The following ADGRG4 variants were observed in gnomAD, a reference collection of about 807,000 sequenced individuals.
The protein encoded by ADGRG4 is adhesion G protein-coupled receptor G4, also known as G protein-coupled receptor 112.
Under a neutral mutation model 126.2 loss-of-function variants are expected in ADGRG4, and 122 were observed. The ratio of observed to expected loss-of-function variants is 0.97; its 90% CI spans 0.83 to 1.12. The LOEUF is 1.12. Ranked by LOEUF, ADGRG4 falls within the 50% of genes most tolerant of loss-of-function variation. The pLI is 0.00. For synonymous variants in ADGRG4, 943 were observed against 838.7 expected (o/e 1.12, Z -2.15); for missense variants, 2,481 against 2,251.8 (o/e 1.10, Z -2.06).
At position 136,349,772 on chromosome X, in the gene ADGRG4, T is replaced by A. The variant is rs147911766; in HGVS notation, c.6066T>A (p.Thr2022=). ...TCCCTTCTGGCTCCCCTCCGGCAAC[T>A]GTATCTAATGCCCCTCATGTTATGA... ...SSLPSGSPPA[T]VSNAPHVMTS... The change falls in exon 6 of 26, where the codon ACT becomes ACA. Residue 2022 remains threonine, a synonymous_variant. Transcript: ENST00000394143. 1.3e-4 allele frequency: 158 copies of A among 1,207,712 alleles called. No homozygotes were observed. Among genetic ancestry groups the A allele is most frequent in the Non-Finnish European group, 1.6e-4 (147 of 894,063 alleles).
chrX:136,302,263 C>A (rs967866445), intron 1 of ADGRG4, among the ~76,000 whole-genome samples: 5 of 111,593 alleles, frequency 4.5e-5, no homozygotes, highest in African/African-American at 1.6e-4. Context: ...TTTCACTGAG[C>A]AATGGTTTGT....
rs1014465031 is a variant in ADGRG4 at position 136,393,583 on chromosome X, A to G, written c.8080+3A>G. 8.4e-7 allele frequency: 1 copy of G among 1,194,289 alleles called. No individual in the cohort carries two copies. Among genetic ancestry groups the G allele is most frequent in the Non-Finnish European group, 1.1e-6 (1 of 880,836 alleles). On this transcript the variant is annotated splice_donor_region_variant and intron_variant, in intron 18 of 25. Coordinates refer to ENST00000394143, the MANE Select transcript of ADGRG4 (RefSeq NM_153834.4). ...CTTTTGGGATTTTGAGAATAATAGT[A>G]AGTATTTTTGTTAGCAACTTTGACT...
chrX:136,361,428 TAA>T, intron 11 of ADGRG4, 25 bp from the exon 12 acceptor site: 1 of 1,074,015 alleles, frequency 9.3e-7, no homozygotes, highest in Non-Finnish European at 1.2e-6. Flanking sequence ...TCTTGTCCTT[TAA>T]AATGTGCATA....
Position 136,349,788 on chromosome X carries a change from C to T in ADGRG4, c.6082C>T (p.His2028Tyr), listed in dbSNP as rs1448579930. The T allele has an allele frequency of 1.7e-6, 2 of 1,210,366 alleles. No individual in the cohort carries two copies. The highest frequency in any genetic ancestry group is 2.2e-6 in the Non-Finnish European group (2 of 894,785). Residue 2028 changes from histidine (H) to tyrosine (Y), a missense_variant, in exon 6 of 26, where the codon CAT (histidine) becomes TAT (tyrosine). Coordinates refer to ENST00000394143, the MANE Select transcript of ADGRG4 (RefSeq NM_153834.4). ...SPPATVSNAP[H>Y]VMTSSTVEVS... is the part of the protein sequence containing the mutation. ...TCCGGCAACTGTATCTAATGCCCCT[C>T]ATGTTATGACTTCCTCTACAGTAGA... is the stretch of plus-strand genomic sequence containing the variant.
intron 5 of ADGRG4, among the ~76,000 whole-genome samples, chrX:136,335,771 G>A (rs774507057): frequency 4.9e-4 from 54 of 111,261 alleles, no homozygotes; most frequent in African/African-American, 1.7e-3. Flanking sequence ...ACTTTTATCA[G>A]TCTTGCTATA....
At chrX:136,384,511 C>T (rs1404196633) in intron 15 of ADGRG4, among the ~76,000 whole-genome samples, 1 of 111,561 alleles carries the variant, frequency 9.0e-6, no homozygotes, top group Non-Finnish European at 1.9e-5. Context: ...ATTTTTGGTG[C>T]TCTTCACTCC....
Position 136,344,526 on chromosome X carries a change from A to C in ADGRG4, c.820A>C (p.Ile274Leu), listed in dbSNP as rs760481988. The C allele has an allele frequency of 8.3e-7, 1 of 1,207,721 alleles. No individual in the cohort carries two copies. The highest frequency in any genetic ancestry group is 1.1e-6 in the Non-Finnish European group (1 of 891,867). The part of the protein sequence containing the change: ...AHSSTLLSQS[I>L]PIFATDYTTI... ...TTCCTCTACACTATTGTCTCAAAGC[A>C]TACCTATATTTGCAACTGATTACAC... The change falls in exon 6 of 26, where the codon ATA becomes CTA. Residue 274 changes from isoleucine to leucine, a missense_variant. Coordinates refer to ENST00000394143, the MANE Select transcript of ADGRG4 (RefSeq NM_153834.4).
chrX:136,372,565 C>T (rs1039826273), intron 14 of ADGRG4, among the ~76,000 whole-genome samples: 7 of 111,950 alleles, frequency 6.3e-5, no homozygotes, highest in Admixed American at 9.5e-5. Flanking sequence ...TAAAGTCCTA[C>T]GAGGCCCTGC....
chrX:136,375,034 C>T (rs766112370), intron 15 of ADGRG4, among the ~76,000 whole-genome samples: 13 of 109,773 alleles, frequency 1.2e-4, no homozygotes, highest in Admixed American at 1.9e-4. Flanking sequence ...CTTCACCCCC[C>T]CCACCACTCT....
chrX:136,389,135 C>T (rs777256608), intron 16 of ADGRG4, among the ~76,000 whole-genome samples: 3 of 112,009 alleles, frequency 2.7e-5, no homozygotes, highest in Non-Finnish European at 3.8e-5. Context: ...ACTCCTTTCT[C>T]TCTCTAAATT....
intron 8 of ADGRG4, among the ~76,000 whole-genome samples, chrX:136,354,444 A>C (rs1209878412): frequency 1.8e-5 from 2 of 111,514 alleles, no homozygotes; most frequent in African/African-American, 6.5e-5. Context: ...TTTCAAAAAA[A>C]TTCAAACTGT....
intron 4 of ADGRG4, among the ~76,000 whole-genome samples, chrX:136,316,771 C>T (rs1182562342): frequency 9.0e-6 from 1 of 110,747 alleles, no homozygotes; most frequent in Non-Finnish European, 1.9e-5. Flanking sequence ...CCTGGCCTTA[C>T]TCACTGACTT....
chrX:136,341,766 A>G (rs979665341), intron 5 of ADGRG4, among the ~76,000 whole-genome samples: 2 of 111,897 alleles, frequency 1.8e-5, no homozygotes, highest in African/African-American at 6.5e-5. Context: ...ATTGTCATTC[A>G]TTCTACTTGC....
At chrX:136,355,747 T>C (rs1569326690) in intron 8 of ADGRG4, among the ~76,000 whole-genome samples, 2 of 112,611 alleles carry the variant, frequency 1.8e-5, no homozygotes, top group African/African-American at 3.2e-5. Context: ...GGCCAATACA[T>C]GCAGATATAG....
chrX:136,363,449 T>G, intron 12 of ADGRG4, 28 bp from the exon 13 acceptor site: 39 of 981,038 alleles, frequency 4.0e-5, no homozygotes, highest in South Asian at 5.7e-5. Flanking sequence ...CATCCTCTGA[T>G]GAGAAAGCTC....
At chrX:136,403,926 C>T (rs746201881) in intron 22 of ADGRG4, among the ~76,000 whole-genome samples, 1 of 111,607 alleles carries the variant, frequency 9.0e-6, no homozygotes, top group South Asian at 3.8e-4. Context: ...CACTTCACCC[C>T]ACCTCTCCAG....
intron 5 of ADGRG4, among the ~76,000 whole-genome samples, chrX:136,325,741 C>G (rs1233364486): frequency 1.0e-5 from 1 of 96,357 alleles, no homozygotes; most frequent in African/African-American, 3.9e-5. Context: ...GATGGAGTCT[C>G]GCTGCGACAC....
chrX:136,368,184 G>T (rs749644840), intron 13 of ADGRG4, among the ~76,000 whole-genome samples: 1 of 112,332 alleles, frequency 8.9e-6, no homozygotes, highest in African/African-American at 3.2e-5. Flanking sequence ...TTTGGAATTA[G>T]CACTGGGTTA....
chrX:136,372,890 G>A lies in ADGRG4; in HGVS notation c.7614-12G>A, dbSNP rs200278042. 141 of 1,207,747 alleles carry A rather than the reference G, an allele frequency of 1.2e-4. No homozygotes were observed. Among genetic ancestry groups the A allele is most frequent in the Non-Finnish European group, 1.4e-4 (125 of 893,029 alleles). Reference sequence around the variant, plus strand: ...AGGTAGGATGCTCTTCTCCATCTGTGGTTTCTTGCAGAATTCTGAGGATAA... The same window carrying A: ...AGGTAGGATGCTCTTCTCCATCTGTAGTTTCTTGCAGAATTCTGAGGATAA... On this transcript the variant is annotated splice_polypyrimidine_tract_variant and intron_variant, in intron 14 of 25. Transcript: ENST00000394143.
Sources: allele counts gnomAD v4.1 joint callset (sites outside exome capture counted in the v4.1 genomes callset), GRCh38; gene constraint gnomAD v4.1.1; transcripts MANE v1.5; gene names NCBI Gene and HGNC (gene_info 2026-07-23, HGNC 2026-07-21).